RTTN: variants seen among roughly 807,000 people sequenced by gnomAD.
RTTN encodes the protein rotatin.
In RTTN, 182 loss-of-function variants were observed where a neutral mutation model predicts 269.2. The observed-to-expected ratio is 0.68, with a 90% CI of 0.60 to 0.76. The LOEUF is 0.76. Among genes scored for constraint, RTTN ranks in the 30% least tolerant of loss-of-function variants. The pLI is 0.00. For missense variants in RTTN, 2,545 were observed against 2,608.6 expected (o/e 0.98, Z 0.53); for synonymous variants, 1,006 against 963.5 (o/e 1.04, Z -0.82).
At chr18:70,010,628 GA>G (rs2056340945) in intron 46 of RTTN, among the ~76,000 whole-genome samples, 1 of 152,172 alleles carries the variant, frequency 6.6e-6, no homozygotes, top group African/African-American at 2.4e-5. Context: ...GCTCACAGGT[GA>G]AAGGGGGAAA....
At chr18:70,090,393 A>G (rs991494516) in intron 30 of RTTN, among the ~76,000 whole-genome samples, 4 of 146,068 alleles carry the variant, frequency 2.7e-5, no homozygotes, top group African/African-American at 7.3e-5. Flanking sequence ...TTACAACAAT[A>G]TGTTATAATA....
At chr18:70,145,444 C>T (rs191797149) in intron 18 of RTTN, among the ~76,000 whole-genome samples, 168 bp downstream of exon 18, 6 of 152,042 alleles carry the variant, frequency 3.9e-5, no homozygotes, top group East Asian at 1.9e-4. Context: ...AATAAATCAA[C>T]GTATCTAGAA....
intron 26 of RTTN, among the ~76,000 whole-genome samples, chr18:70,118,826 A>T (rs2059662309): frequency 6.6e-6 from 1 of 152,120 alleles, no homozygotes; most frequent in Non-Finnish European, 1.5e-5. Flanking sequence ...CAGAATTAAG[A>T]ACAAAAACCA....
intron 29 of RTTN, 87 bp downstream of exon 29, chr18:70,092,589 G>A: frequency 1.4e-6 from 2 of 1,441,558 alleles, no homozygotes; most frequent in Non-Finnish European, 1.9e-6. Context: ...TTTTCATGTG[G>A]CAAGTTTATA....
intron 32 of RTTN, among the ~76,000 whole-genome samples, chr18:70,082,288 A>G (rs1450191604): frequency 6.6e-6 from 1 of 152,192 alleles, no homozygotes; most frequent in Non-Finnish European, 1.5e-5. Flanking sequence ...ATCATCATAC[A>G]TAACATGATT....
At chr18:70,031,500 G>A (rs1044175975) in intron 40 of RTTN, 8 of 395,108 alleles carry the variant, frequency 2.0e-5, no homozygotes, top group Middle Eastern at 6.3e-4. Flanking sequence ...AAAATAGTGT[G>A]TAACTTTTTT....
chr18:70,205,668 T>C lies in RTTN; in HGVS notation c.-10A>G, dbSNP rs2062062771. On this transcript the variant is annotated 5_prime_UTR_variant, in exon 1 of 49. Transcript: ENST00000640769. ...GCCCTGCCAGGACCATCTCGTCCCG[T>C]CAATCTGCAGCCGCCGGAGAATTAA... 14 of 1,613,842 alleles carry C rather than the reference T, an allele frequency of 8.7e-6. No homozygotes were observed. Among genetic ancestry groups the C allele is most frequent in the Non-Finnish European group, 1.2e-5 (14 of 1,179,986 alleles).
At chr18:70,039,096 A>T (rs1469703753) in intron 40 of RTTN, among the ~76,000 whole-genome samples, 2 of 152,174 alleles carry the variant, frequency 1.3e-5, no homozygotes, top group East Asian at 1.9e-4. Context: ...AACCTAAAAA[A>T]TAGCCTCGAA....
chr18:70,073,542 C>G (rs1388491354), intron 34 of RTTN, among the ~76,000 whole-genome samples: 1 of 152,048 alleles, frequency 6.6e-6, no homozygotes, highest in Non-Finnish European at 1.5e-5. Context: ...TTCACACTTT[C>G]GTACTATCAA....
intron 27 of RTTN, among the ~76,000 whole-genome samples, chr18:70,111,148 C>T (rs912765181): frequency 3.3e-5 from 5 of 152,376 alleles, no homozygotes; most frequent in African/African-American, 1.2e-4. Flanking sequence ...CAGATTTAAA[C>T]ATCCCTGCCT....
At chr18:70,171,894 T>C (rs918209422) in intron 11 of RTTN, among the ~76,000 whole-genome samples, 3 of 152,184 alleles carry the variant, frequency 2.0e-5, no homozygotes, top group Admixed American at 2.0e-4. Context: ...AACATTACCG[T>C]TTGAAAAGCA....
chr18:70,073,819 C>T (rs2058358750), intron 34 of RTTN, 87 bp downstream of exon 34: 1 of 909,742 alleles, frequency 1.1e-6, no homozygotes, highest in East Asian at 2.5e-5. Context: ...TATAACCTTA[C>T]ACTTTGTATT....
At chr18:70,009,453 A>T (rs966169436) in intron 46 of RTTN, among the ~76,000 whole-genome samples, 1 of 152,174 alleles carries the variant, frequency 6.6e-6, no homozygotes, top group Non-Finnish European at 1.5e-5. Flanking sequence ...ATAATTTTCA[A>T]CCCAGAAATT....
chr18:70,119,398 G>C (rs2145543134), intron 26 of RTTN, among the ~76,000 whole-genome samples: 1 of 151,784 alleles, frequency 6.6e-6, no homozygotes, highest in East Asian at 1.9e-4. Context: ...CCAAGTTGCA[G>C]GTACCAGAAT....
At chr18:70,191,301 A>G (rs1328241726) in intron 8 of RTTN, among the ~76,000 whole-genome samples, 2 of 152,222 alleles carry the variant, frequency 1.3e-5, no homozygotes, top group Non-Finnish European at 2.9e-5. Flanking sequence ...GTAGGAATCA[A>G]TATTAGCACT....
intron 43 of RTTN, among the ~76,000 whole-genome samples, chr18:70,026,433 T>C (rs2056855311): frequency 6.6e-6 from 1 of 152,084 alleles, no homozygotes; most frequent in Non-Finnish European, 1.5e-5. Flanking sequence ...AAGTGTGTGG[T>C]ACCTCCTCGC....
intron 14 of RTTN, among the ~76,000 whole-genome samples, chr18:70,153,207 T>C (rs1218790021): frequency 6.6e-6 from 1 of 152,024 alleles, no homozygotes; most frequent in Non-Finnish European, 1.5e-5. Flanking sequence ...AAACACTATA[T>C]ACATTGAATG....
At chr18:70,108,514 GATT>G (rs1236259101) in intron 28 of RTTN, among the ~76,000 whole-genome samples, 5 of 152,064 alleles carry the variant, frequency 3.3e-5, no homozygotes, top group Non-Finnish European at 5.9e-5. Flanking sequence ...GAATGATTTT[GATT>G]ATTAAAAACC....
In RTTN at chr18:70,184,715, T is replaced by TG. The variant is rs61698206; in HGVS notation, c.1305+3392_1305+3393insC. 3.8e-3 allele frequency among the ~76,000 whole-genome samples: 290 copies of TG among 75,988 alleles called. 1 individual carries two copies. Among genetic ancestry groups the TG allele is most frequent in the African/African-American group, 0.015 (275 of 18,388 alleles). The allele number at this position is 75,988 out of a possible 152,430, so 49.9% of individuals were successfully genotyped here. On this transcript the variant is annotated intron_variant, in intron 10 of 48. Coordinates refer to ENST00000640769, the MANE Select transcript of RTTN (RefSeq NM_173630.4). ...AAAACCACAGCAGGTTTTTTTTTTT[T>TG]TTGTGTGTGTGTGTGTGTGTGTGTG...
Sources: gnomAD v4.1 joint callset for allele counts (sites outside exome capture counted in the v4.1 genomes callset) on GRCh38, gnomAD v4.1.1 for gene constraint, MANE v1.5 for transcripts, NCBI Gene and HGNC (gene_info 2026-07-23, HGNC 2026-07-21) for gene names.